Variants in RFX3 observed in about 807,000 individuals in gnomAD.
RFX3 encodes regulatory factor X3.
Under a neutral mutation model 98.6 loss-of-function variants are expected in RFX3, and 14 were observed. That is an observed-to-expected ratio of 0.14 (90% CI 0.09 to 0.22). The LOEUF is 0.22. RFX3 is among the 10% of genes least tolerant of loss of function. The probability of loss-of-function intolerance (pLI) is 1.00; values close to 1 mark genes in which losing one functional copy is unlikely to be tolerated. For missense variants in RFX3, 639 were observed against 926.9 expected, an observed-to-expected ratio of 0.69 and a Z score of 4.03; for synonymous variants, 383 against 328.4, an observed-to-expected ratio of 1.17 and a Z score of -1.80.
intron 5 of RFX3, among the ~76,000 whole-genome samples, chr9:3,294,052 AT>A (rs1392038387): frequency 2.0e-5 from 3 of 152,214 alleles, no homozygotes; most frequent in African/African-American, 7.2e-5. Flanking sequence ...TTACAAAAAA[AT>A]CTTTAAAGCA....
Position 3,263,116 on chromosome 9 carries a change from G to A in RFX3, c.1456-32C>T, listed in dbSNP as rs367890793. Reference sequence around the variant, plus strand: ...CGCAATCCAATTAAGTTGGGATTCTGTTTCCTCCAGTAAAAGAAACCACTG... The same window carrying A: ...CGCAATCCAATTAAGTTGGGATTCTATTTCCTCCAGTAAAAGAAACCACTG... On this transcript the variant is annotated intron_variant, in intron 12 of 16. Coordinates refer to ENST00000617270, the MANE Select transcript of RFX3 (RefSeq NM_001282116.2). 1.4e-5 allele frequency: 22 copies of A among 1,600,738 alleles called. No homozygotes were observed. In the African/African-American group the frequency reaches 2.8e-4, roughly 20 times the overall value.
chr9:3,221,445 G>C lies in RFX3; in HGVS notation c.*3597C>G, dbSNP rs1404862613. 1.3e-5 allele frequency: 2 copies of C among 152,018 alleles called. No individual in the cohort carries two copies. Among genetic ancestry groups the C allele is most frequent in the Admixed American group, 1.3e-4 (2 of 15,244 alleles). 9.4% of individuals were successfully genotyped at this position (152,018 alleles called of 1,614,324 possible). A position where few individuals can be genotyped will look rare whatever the true frequency, so the allele number is the denominator to read the frequency against. On this transcript the variant is annotated 3_prime_UTR_variant, in exon 17 of 17. Coordinates refer to ENST00000617270, the MANE Select transcript of RFX3 (RefSeq NM_001282116.2). ...TCAATGCTGCACACTACTAATTTTA[G>C]GTATGCAGTGTTAAAACCATTTTCT...
chr9:3,398,995 A>G (rs1841203595), intron 1 of RFX3, among the ~76,000 whole-genome samples: 1 of 150,902 alleles, frequency 6.6e-6, no homozygotes, highest in Non-Finnish European at 1.5e-5. Context: ...CACCTGGGAG[A>G]GCATATCAGA....
At chr9:3,431,510 G>C (rs375822850) in intron 1 of RFX3, among the ~76,000 whole-genome samples, 2 of 152,130 alleles carry the variant, frequency 1.3e-5, no homozygotes, top group African/African-American at 4.8e-5. Flanking sequence ...TACGCCAACA[G>C]GTATGAAAAC....
chr9:3,351,458 A>G (rs1835115615), intron 2 of RFX3, among the ~76,000 whole-genome samples: 1 of 151,954 alleles, frequency 6.6e-6, no homozygotes, highest in Non-Finnish European at 1.5e-5. Context: ...CATAAGAGCA[A>G]GTCAGATTTG....
intron 4 of RFX3, among the ~76,000 whole-genome samples, chr9:3,316,292 A>G (rs562108141): frequency 2.4e-4 from 36 of 152,362 alleles, no homozygotes; most frequent in African/African-American, 7.2e-4. Flanking sequence ...TTATCTCAAT[A>G]GATGCAGAAA....
intron 2 of RFX3, among the ~76,000 whole-genome samples, chr9:3,368,055 G>C (rs900983327): frequency 1.3e-5 from 2 of 152,108 alleles, no homozygotes; most frequent in Non-Finnish European, 2.9e-5. Flanking sequence ...TGGTAAAATA[G>C]GAATTAATCC....
intron 1 of RFX3, among the ~76,000 whole-genome samples, chr9:3,400,624 T>A (rs12346432): frequency 0.16 from 24,746 of 152,206 alleles, 3,231 homozygotes; most frequent in African/African-American, 0.36. Flanking sequence ...GATTTTACTA[T>A]CTTCAGCCTT....
chr9:3,466,619 T>C (rs1564137725), intron 1 of RFX3, among the ~76,000 whole-genome samples: 1 of 152,198 alleles, frequency 6.6e-6, no homozygotes, highest in African/African-American at 2.4e-5. Context: ...AGCCATTGGA[T>C]AGGAGACTTT....
intron 4 of RFX3, among the ~76,000 whole-genome samples, chr9:3,303,681 T>C (rs1184602819): frequency 1.3e-5 from 2 of 151,928 alleles, no homozygotes; most frequent in African/African-American, 2.4e-5. Flanking sequence ...GCTTCTGTTA[T>C]TGAAGCTGTT....
chr9:3,222,060 G>A lies in RFX3; in HGVS notation c.*2982C>T, dbSNP rs960416875. 4 of 152,168 alleles carry A rather than the reference G, an allele frequency of 2.6e-5. No homozygotes were observed. Among genetic ancestry groups the A allele is most frequent in the Admixed American group, 6.5e-5 (1 of 15,284 alleles). 9.4% of individuals were successfully genotyped at this position (152,168 alleles called of 1,614,324 possible). A position where few individuals can be genotyped will look rare whatever the true frequency, so the allele number is the denominator to read the frequency against. On this transcript the variant is annotated 3_prime_UTR_variant, in exon 17 of 17. Coordinates refer to ENST00000617270, the MANE Select transcript of RFX3 (RefSeq NM_001282116.2). ...AAAAAAGGGAAAAAGGGAAATAAATGCAATAAATGTGATTGCTCAATTTGC... is the reference window on the plus strand; with the variant it reads ...AAAAAAGGGAAAAAGGGAAATAAATACAATAAATGTGATTGCTCAATTTGC...
At chr9:3,297,428 A>G (rs867787354) in intron 5 of RFX3, among the ~76,000 whole-genome samples, 1 of 152,088 alleles carries the variant, frequency 6.6e-6, no homozygotes, top group Non-Finnish European at 1.5e-5. Context: ...CAACCTTTGC[A>G]TTTAATCTGT....
At chr9:3,426,311 T>A (rs1844022700) in intron 1 of RFX3, among the ~76,000 whole-genome samples, 1 of 151,978 alleles carries the variant, frequency 6.6e-6, no homozygotes, top group South Asian at 2.1e-4. Flanking sequence ...ATATCCATCA[T>A]CTCAAATACC....
chr9:3,505,083 A>T (rs563743992), intron 1 of RFX3, among the ~76,000 whole-genome samples: 21 of 94,110 alleles, frequency 2.2e-4, no homozygotes, highest in African/African-American at 8.7e-4. Context: ...ATAAAAATAA[A>T]ATATTTTATA....
chr9:3,409,292 C>T (rs1842257104), intron 1 of RFX3, among the ~76,000 whole-genome samples: 2 of 152,150 alleles, frequency 1.3e-5, no homozygotes, highest in South Asian at 4.1e-4. Flanking sequence ...GTATACTTCC[C>T]TTAATTCACA....
intron 16 of RFX3, among the ~76,000 whole-genome samples, chr9:3,227,623 G>A (rs141975530): frequency 1.3e-4 from 20 of 152,210 alleles, no homozygotes; most frequent in African/African-American, 4.8e-4. Context: ...CTGTCCTTCT[G>A]GACACCCTGG....
chr9:3,348,788 A>C (rs2986674), intron 2 of RFX3, among the ~76,000 whole-genome samples: 2,446 of 152,108 alleles, frequency 0.016, 66 homozygotes, highest in African/African-American at 0.055. Flanking sequence ...TTTCTTGCTA[A>C]AATTGTCCCA....
chr9:3,256,522 G>A (rs1822169799), intron 14 of RFX3, among the ~76,000 whole-genome samples: 1 of 152,146 alleles, frequency 6.6e-6, no homozygotes, highest in African/African-American at 2.4e-5. Context: ...TTTGGAGGAG[G>A]TGCTAAGAAT....
At chr9:3,278,759 G>A (rs1825556110) in intron 7 of RFX3, among the ~76,000 whole-genome samples, 1 of 151,724 alleles carries the variant, frequency 6.6e-6, no homozygotes, top group Non-Finnish European at 1.5e-5. Context: ...CTCTCATAAT[G>A]ACATTTACAT....
Sources: gnomAD v4.1 joint callset for allele counts (sites outside exome capture counted in the v4.1 genomes callset) on GRCh38, gnomAD v4.1.1 for gene constraint, MANE v1.5 for transcripts, NCBI Gene and HGNC (gene_info 2026-07-23, HGNC 2026-07-21) for gene names.